The following ARHGEF3 variants were observed in gnomAD, a reference collection of about 807,000 sequenced individuals.
ARHGEF3 encodes the protein 59.8 kDA protein.
A neutral mutation model predicts 63.2 loss-of-function variants in ARHGEF3; 28 were observed. The ratio of observed to expected loss-of-function variants is 0.44; its 90% CI spans 0.33 to 0.61. The LOEUF is 0.61. Ranked by LOEUF, ARHGEF3 falls within the 20% of genes least tolerant of loss-of-function variation. ARHGEF3 has a pLI of 0.03. For synonymous variants in ARHGEF3, 266 were observed against 254.2 expected (o/e 1.05, Z -0.44); for missense variants, 533 against 659.3 (o/e 0.81, Z 2.10).
rs1004915322 is a variant in ARHGEF3 at position 56,957,589 on chromosome 3, T to C, written c.129+1234A>G. 3.3e-5 allele frequency among the ~76,000 whole-genome samples: 5 copies of C among 152,156 alleles called. No individual in the cohort carries two copies. In the South Asian group the frequency reaches 8.3e-4, roughly 25 times the overall value. The stretch of plus-strand genomic sequence containing the variant: ...CACTCTTCATGCCTGAGTCTTCCAA[T>C]CTTAAATTTCAGTAAGGACTAAGCA... On this transcript the variant is annotated intron_variant, in intron 3 of 12. Coordinates refer to the ARHGEF3 transcript ENST00000338458.
intron 3 of ARHGEF3, among the ~76,000 whole-genome samples, chr3:56,914,276 A>G (rs1407421256): frequency 3.3e-5 from 5 of 152,186 alleles, no homozygotes; most frequent in Non-Finnish European, 7.3e-5. Flanking sequence ...GACTTATGGG[A>G]AAAAAATTGA....
rs58860849 is a variant in ARHGEF3, at chr3:56,992,024, CTGTGTGTGTGTGTGTGTG to C, written c.63-33153_63-33136del. On this transcript the variant is annotated intron_variant, in intron 2 of 12. Transcript: ENST00000338458. ...TCTCACTCTCTCTCCCCTCCTCTCT[CTGTGTGTGTGTGTGTGTG>C]TGTGTGTGTGTGTGTGTGTGTGTGT... is the stretch of plus-strand genomic sequence containing the variant. Among the ~76,000 whole-genome samples, 30 of 131,718 alleles carry C rather than the reference CTGTGTGTGTGTGTGTGTG, an allele frequency of 2.3e-4. 2 individuals are homozygous for C. In the South Asian group the frequency reaches 3.8e-3, roughly 17 times the overall value. 86.4% of individuals were successfully genotyped at this position (131,718 alleles called of 152,430 possible).
chr3:57,064,577 G>T (rs558859274), intron 1 of ARHGEF3, among the ~76,000 whole-genome samples: 1 of 152,196 alleles, frequency 6.6e-6, no homozygotes, highest in East Asian at 1.9e-4. Flanking sequence ...CTCGGTGCTG[G>T]GATTACAGGC....
chr3:57,036,075 G>C (rs907225795), intron 1 of ARHGEF3, among the ~76,000 whole-genome samples: 10 of 152,132 alleles, frequency 6.6e-5, no homozygotes, highest in African/African-American at 2.4e-4. Context: ...TGTAGAGACA[G>C]GTGAGGCCAA....
intron 3 of ARHGEF3, among the ~76,000 whole-genome samples, chr3:56,948,092 C>T (rs1186401677): frequency 2.0e-5 from 3 of 152,048 alleles, no homozygotes; most frequent in East Asian, 1.9e-4. Context: ...AGAACAAAGA[C>T]ACAACATACC....
intron 1 of ARHGEF3, among the ~76,000 whole-genome samples, chr3:56,779,476 G>GTTTTT (rs1189979162): frequency 6.6e-6 from 1 of 150,856 alleles, no homozygotes. Context: ...AAAATAAAAA[G>GTTTTT]TTTTTTTTTA....
At chr3:56,969,255 C>T (rs530519432) in intron 2 of ARHGEF3, among the ~76,000 whole-genome samples, 1 of 113,836 alleles carries the variant, frequency 8.8e-6, no homozygotes, top group African/African-American at 3.1e-5. Flanking sequence ...CAAAACAATT[C>T]CAGAATTAAC....
At chr3:56,842,859 T>C (rs1297822478) in intron 4 of ARHGEF3, among the ~76,000 whole-genome samples, 1 of 152,202 alleles carries the variant, frequency 6.6e-6, no homozygotes, top group Non-Finnish European at 1.5e-5. Flanking sequence ...CTTGGTGACA[T>C]AGTATTTTTA....
intron 4 of ARHGEF3, among the ~76,000 whole-genome samples, chr3:56,846,856 G>A (rs1368776049): frequency 6.6e-6 from 1 of 152,150 alleles, no homozygotes; most frequent in Non-Finnish European, 1.5e-5. Flanking sequence ...GCTATTCAAA[G>A]TGCTCTCCTC....
chr3:57,078,833 T>C (rs1706334409), intron 1 of ARHGEF3: 1 of 166,758 alleles, frequency 6.0e-6, no homozygotes, highest in African/African-American at 2.4e-5. Flanking sequence ...AAGGGGCGCG[T>C]CCCAGGACAG....
At position 56,779,183 on chromosome 3, in the gene ARHGEF3, T is replaced by C. The variant is rs571676594; in HGVS notation, c.97-5367A>G. 2.0e-5 allele frequency among the ~76,000 whole-genome samples: 3 copies of C among 152,310 alleles called. 1 individual carries two copies. The South Asian group carries it at 6.2e-4, about 32-fold the overall frequency. On this transcript the variant is annotated intron_variant, in intron 1 of 9. Coordinates refer to ENST00000296315, the MANE Select transcript of ARHGEF3 (RefSeq NM_019555.3). ...ACATTTGACTTACTTTTTATGTGAG[T>C]AAACCCTATTTTATTGCATTTTATT... is the stretch of plus-strand genomic sequence containing the variant.
At chr3:56,787,404 A>T (rs1400915750) in intron 1 of ARHGEF3, among the ~76,000 whole-genome samples, 1 of 152,170 alleles carries the variant, frequency 6.6e-6, no homozygotes, top group Non-Finnish European at 1.5e-5. Flanking sequence ...GAAACAGAGC[A>T]GTCATCCTAC....
intron 2 of ARHGEF3, among the ~76,000 whole-genome samples, chr3:56,993,729 G>A (rs572828824): frequency 3.3e-5 from 5 of 151,264 alleles, no homozygotes; most frequent in African/African-American, 1.2e-4. Context: ...CATGTGGAAG[G>A]AGAAATATTC....
chr3:57,056,384 C>CAAA (rs10666149), intron 1 of ARHGEF3, among the ~76,000 whole-genome samples: 25,662 of 108,044 alleles, frequency 0.24, 3,542 homozygotes, highest in East Asian at 0.36. Context: ...AAGACTCCAT[C>CAAA]AAAAAAAAAA....
chr3:57,064,181 A>T (rs1346054340), intron 1 of ARHGEF3, among the ~76,000 whole-genome samples: 1 of 152,094 alleles, frequency 6.6e-6, no homozygotes, highest in Non-Finnish European at 1.5e-5. Flanking sequence ...AGGTCAGAGG[A>T]TTGCTTGAGC....
rs943419010 is a variant in ARHGEF3, at chr3:56,775,182, G to C, written c.97-1366C>G. The stretch of plus-strand genomic sequence containing the variant: ...TTGCTTTCAAAGTTTCGAGGGTTAA[G>C]GCAGAACTTCAGATTCTCCAGGATA... On this transcript the variant is annotated intron_variant, in intron 1 of 9. Transcript: ENST00000296315. The C allele has an allele frequency of 4.7e-6, 7 of 1,500,562 alleles. No homozygotes were observed. In the African/African-American group the frequency reaches 7.0e-5, roughly 15 times the overall value. 93.0% of individuals were successfully genotyped at this position (1,500,562 alleles called of 1,614,324 possible). A position where few individuals can be genotyped will look rare whatever the true frequency, so the allele number is the denominator to read the frequency against.
intron 1 of ARHGEF3, among the ~76,000 whole-genome samples, chr3:57,044,063 G>A (rs185156924): frequency 6.6e-6 from 1 of 152,290 alleles, no homozygotes; most frequent in Admixed American, 6.5e-5. Flanking sequence ...GATGGGCTCT[G>A]GTGCCTCCTT....
chr3:56,895,299 A>T (rs544913408), intron 3 of ARHGEF3, among the ~76,000 whole-genome samples: 1 of 152,254 alleles, frequency 6.6e-6, no homozygotes, highest in African/African-American at 2.4e-5. Flanking sequence ...CTACTCTGAA[A>T]GACTGGTGGC....
chr3:56,928,578 T>G (rs1313166160), intron 3 of ARHGEF3, among the ~76,000 whole-genome samples: 1 of 152,180 alleles, frequency 6.6e-6, no homozygotes, highest in Non-Finnish European at 1.5e-5. Context: ...GACAACAATT[T>G]GCATTCCAGA....
Sources: allele counts gnomAD v4.1 joint callset (sites outside exome capture counted in the v4.1 genomes callset), GRCh38; gene constraint gnomAD v4.1.1; transcripts MANE v1.5; gene names NCBI Gene and HGNC (gene_info 2026-07-23, HGNC 2026-07-21).